LRRIQ3: variants seen among roughly 807,000 people sequenced by gnomAD.
LRRIQ3 encodes leucine-rich repeat and IQ domain-containing protein 3.
Under a neutral mutation model 59.3 loss-of-function variants are expected in LRRIQ3, and 75 were observed. The observed-to-expected ratio is 1.26, with a 90% CI of 1.05 to 1.53. LRRIQ3 has a LOEUF of 1.53. LRRIQ3 is among the 40% of genes most tolerant of loss of function. The pLI is 0.00. For missense variants in LRRIQ3, 831 were observed against 710.0 expected (o/e 1.17, Z -1.94); for synonymous variants, 250 against 231.3 (o/e 1.08, Z -0.73).
At chr1:74,181,383 T>C (rs1198916125) in intron 3 of LRRIQ3, 1 of 151,886 alleles carries the variant, frequency 6.6e-6, no homozygotes, top group Non-Finnish European at 1.5e-5. Context: ...CCTACCCTAA[T>C]TTTCCTACTC....
chr1:74,084,339 A>T (rs11210406), intron 5 of LRRIQ3: 84,727 of 977,814 alleles, frequency 0.087, 5,045 homozygotes, highest in African/African-American at 0.25. Context: ...TGAGCTCAAG[A>T]TTTGCTTTTA....
intron 7 of LRRIQ3, among the ~76,000 whole-genome samples, chr1:74,035,832 C>A (rs183351112): frequency 6.6e-6 from 1 of 152,086 alleles, no homozygotes. Context: ...TCCTTGATCT[C>A]CCCTAGCTTT....
At chr1:74,139,084 ATG>A (rs1387333088) in intron 4 of LRRIQ3, among the ~76,000 whole-genome samples, 44 of 139,016 alleles carry the variant, frequency 3.2e-4, no homozygotes, top group Middle Eastern at 3.8e-3. Context: ...ACATATATGT[ATG>A]TGTGTGTGTA....
At chr1:74,091,415 C>T (rs1012257324) in intron 5 of LRRIQ3, among the ~76,000 whole-genome samples, 2 of 151,920 alleles carry the variant, frequency 1.3e-5, no homozygotes, top group Non-Finnish European at 2.9e-5. Context: ...ATCAAATGAA[C>T]ATGAACAAAG....
At chr1:74,066,659 A>G (rs911273887) in intron 6 of LRRIQ3, among the ~76,000 whole-genome samples, 7 of 152,170 alleles carry the variant, frequency 4.6e-5, no homozygotes, top group African/African-American at 1.4e-4. Flanking sequence ...TTCATAGCCT[A>G]CTTATGAAAT....
intron 4 of LRRIQ3, among the ~76,000 whole-genome samples, chr1:74,153,716 G>A (rs1648126907): frequency 6.6e-6 from 1 of 152,118 alleles, no homozygotes; most frequent in Non-Finnish European, 1.5e-5. Context: ...GGTATGGTAA[G>A]AGCTTGTGAT....
Position 74,135,771 on chromosome 1 carries a change from A to G in LRRIQ3, c.707+19962T>C, listed in dbSNP as rs573263547. Among the ~76,000 whole-genome samples, 136 of 152,084 alleles carry G rather than the reference A, an allele frequency of 8.9e-4. 1 individual carries two copies. The highest frequency in any genetic ancestry group is 3.0e-3 in the African/African-American group (124 of 41,536). On this transcript the variant is annotated intron_variant, in intron 4 of 7. Transcript: ENST00000354431. ...GATGAAAACATAGCTGTAAATGCCT[A>G]TATCAGAAAATAAGAAATGTCTCAA...
chr1:74,028,569 T>C (rs1285749015), intron 7 of LRRIQ3, among the ~76,000 whole-genome samples: 1 of 152,050 alleles, frequency 6.6e-6, no homozygotes, highest in Non-Finnish European at 1.5e-5. Context: ...AGCCTGCTTA[T>C]TCATGTGGTG....
At chr1:74,158,648 G>C (rs975083333) in intron 3 of LRRIQ3, among the ~76,000 whole-genome samples, 2 of 152,040 alleles carry the variant, frequency 1.3e-5, no homozygotes, top group African/African-American at 2.4e-5. Context: ...AGTTTTACCT[G>C]ACCCCTGTGT....
At position 74,198,147 on chromosome 1, in the gene LRRIQ3, C is replaced by T. The variant is rs185634617; in HGVS notation, c.-152G>A. ...GTTCTCCACATCATGGTTTTCCGGG[C>T]GCCAGCCAAGGCGCTCCGGGGGCGT... On this transcript the variant is annotated 5_prime_UTR_variant, in exon 1 of 8. Transcript: ENST00000354431. The T allele has an allele frequency of 1.3e-6, 2 of 1,488,860 alleles. No homozygotes were observed. Among genetic ancestry groups the T allele is most frequent in the Admixed American group, 2.3e-5 (1 of 44,070 alleles). The allele number at this position is 1,488,860 out of a possible 1,614,324, so 92.2% of individuals were successfully genotyped here.
chr1:74,087,572 G>GA (rs150344277), intron 5 of LRRIQ3, among the ~76,000 whole-genome samples: 2,175 of 151,372 alleles, frequency 0.014, 51 homozygotes, highest in African/African-American at 0.05. Context: ...ATGTTGAGGT[G>GA]AAAAAGGCAC....
At chr1:74,166,897 G>A (rs1004081383) in intron 3 of LRRIQ3, among the ~76,000 whole-genome samples, 4 of 151,446 alleles carry the variant, frequency 2.6e-5, no homozygotes, top group Admixed American at 6.6e-5. Flanking sequence ...AAAACCACAA[G>A]GTGATATCAC....
At chr1:74,114,454 T>C (rs570226599) in intron 4 of LRRIQ3, among the ~76,000 whole-genome samples, 2 of 152,072 alleles carry the variant, frequency 1.3e-5, no homozygotes, top group African/African-American at 2.4e-5. Context: ...TTGTAAGGCC[T>C]AATAAAAGCA....
intron 6 of LRRIQ3, among the ~76,000 whole-genome samples, chr1:74,057,819 T>C (rs1445536009): frequency 1.3e-5 from 2 of 152,024 alleles, no homozygotes; most frequent in Admixed American, 6.6e-5. Flanking sequence ...TCACAAACTA[T>C]ACATGTGATA....
intron 4 of LRRIQ3, among the ~76,000 whole-genome samples, chr1:74,131,405 TG>T (rs1331629452): frequency 1.3e-5 from 2 of 152,212 alleles, no homozygotes; most frequent in East Asian, 1.9e-4. Context: ...TACCAAAGCC[TG>T]GCAGAGACAC....
chr1:74,111,406 A>C (rs753984966), intron 4 of LRRIQ3, among the ~76,000 whole-genome samples: 1 of 152,084 alleles, frequency 6.6e-6, no homozygotes, highest in East Asian at 1.9e-4. Flanking sequence ...AAGTGCAAAG[A>C]ACCAGGCAGA....
At chr1:74,169,105 A>G (rs1454298742) in intron 3 of LRRIQ3, among the ~76,000 whole-genome samples, 1 of 152,104 alleles carries the variant, frequency 6.6e-6, no homozygotes, top group Non-Finnish European at 1.5e-5. Context: ...CCTGGTAAAC[A>G]TGATTTGATT....
At chr1:74,097,110 T>C (rs1646460086) in intron 5 of LRRIQ3, among the ~76,000 whole-genome samples, 1 of 152,120 alleles carries the variant, frequency 6.6e-6, no homozygotes, top group Non-Finnish European at 1.5e-5. Flanking sequence ...CCGAGGTTTC[T>C]GCTGCCTTTT....
At chr1:74,051,103 C>G (rs541803943) in intron 6 of LRRIQ3, among the ~76,000 whole-genome samples, 1 of 152,142 alleles carries the variant, frequency 6.6e-6, no homozygotes, top group Non-Finnish European at 1.5e-5. Context: ...CATCTTTAAT[C>G]AATTTCTGAA....
Sources: allele counts gnomAD v4.1 joint callset (sites outside exome capture counted in the v4.1 genomes callset), GRCh38; gene constraint gnomAD v4.1.1; transcripts MANE v1.5; gene names NCBI Gene and HGNC (gene_info 2026-07-23, HGNC 2026-07-21).